The following ZRANB3 variants were observed in gnomAD, a reference collection of about 807,000 sequenced individuals.
ZRANB3 encodes the protein DNA annealing helicase and endonuclease ZRANB3.
A neutral mutation model predicts 133.8 loss-of-function variants in ZRANB3; 125 were observed. That is an observed-to-expected ratio of 0.93 (90% CI 0.81 to 1.08). The LOEUF is 1.08. ZRANB3 is among the 50% of genes least tolerant of loss of function. The pLI, the probability that ZRANB3 is intolerant of heterozygous loss-of-function variation, is 0.00. For missense variants in ZRANB3, 1,229 were observed against 1,275.5 expected, an observed-to-expected ratio of 0.96 and a Z score of 0.56; for synonymous variants, 387 against 432.7, an observed-to-expected ratio of 0.89 and a Z score of 1.31.
At chr2:135,229,528 C>T (rs888412135) in intron 13 of ZRANB3, among the ~76,000 whole-genome samples, 19 of 151,786 alleles carry the variant, frequency 1.3e-4, no homozygotes, top group East Asian at 3.9e-4. Flanking sequence ...CTACCACGCC[C>T]GGCTAATTTT....
At chr2:135,251,768 G>A (rs953599367) in intron 12 of ZRANB3, among the ~76,000 whole-genome samples, 1 of 152,182 alleles carries the variant, frequency 6.6e-6, no homozygotes, top group African/African-American at 2.4e-5. Context: ...TGGGCATGGT[G>A]GCTCACACCT....
In ZRANB3 at chr2:135,512,782, C is replaced by T. The variant is rs79064147; in HGVS notation, c.-7-8286G>A. Reference sequence around the variant, plus strand: ...AAGATTTATTAGAAAAATTTAGCCTCAAAATATATCTTAATAAATATACAA... The same window carrying T: ...AAGATTTATTAGAAAAATTTAGCCTTAAAATATATCTTAATAAATATACAA... On this transcript the variant is annotated intron_variant, in intron 1 of 20. Transcript: ENST00000264159. Among the ~76,000 whole-genome samples, 24 of 151,706 alleles carry T rather than the reference C, an allele frequency of 1.6e-4. No homozygotes were observed. The East Asian group carries it at 4.4e-3, about 28-fold the overall frequency.
intron 2 of ZRANB3, among the ~76,000 whole-genome samples, chr2:135,454,100 T>C (rs1226051533): frequency 6.6e-6 from 1 of 152,118 alleles, no homozygotes; most frequent in Non-Finnish European, 1.5e-5. Flanking sequence ...GATAAACCCA[T>C]CAGATCTCAT....
At chr2:135,250,671 C>A (rs1273527081) in intron 12 of ZRANB3, among the ~76,000 whole-genome samples, 1 of 152,214 alleles carries the variant, frequency 6.6e-6, no homozygotes, top group Non-Finnish European at 1.5e-5. Flanking sequence ...AGGGTGGAAG[C>A]CCCAAGCCTT....
rs1297437366 is a variant in ZRANB3, at chr2:135,246,007, A to ATTTCT, written c.1540-15085_1540-15081dup. Among the ~76,000 whole-genome samples, 42 of 135,044 alleles carry ATTTCT rather than the reference A, an allele frequency of 3.1e-4. 1 individual carries two copies. The highest frequency in any genetic ancestry group is 6.7e-4 in the East Asian group (3 of 4,504). The allele number at this position is 135,044 out of a possible 152,430, so 88.6% of individuals were successfully genotyped here. On this transcript the variant is annotated intron_variant, in intron 12 of 20. Coordinates refer to ENST00000264159, the MANE Select transcript of ZRANB3 (RefSeq NM_032143.4). ...GTGGACTTGTGGTTTGAATAGCTCC[A>ATTTCT]TTTCTTTTCTTTTCTTTTCTTTTCT...
At chr2:135,315,814 T>G (rs1189879344) in intron 6 of ZRANB3, among the ~76,000 whole-genome samples, 2 of 152,244 alleles carry the variant, frequency 1.3e-5, no homozygotes, top group African/African-American at 4.8e-5. Flanking sequence ...TAGGTCACTG[T>G]TTGTAAATGG....
intron 3 of ZRANB3, among the ~76,000 whole-genome samples, chr2:135,365,402 G>A (rs1198418060): frequency 6.6e-6 from 1 of 152,296 alleles, no homozygotes; most frequent in East Asian, 1.9e-4. Context: ...ACCTTGCTTT[G>A]ATTATATATC....
chr2:135,431,308 T>C lies in ZRANB3; in HGVS notation c.162-40488A>G, dbSNP rs929472066. On this transcript the variant is annotated intron_variant, in intron 2 of 20. Transcript: ENST00000264159. ...CCCTGTCTCAATGTGTATATGTAAA[T>C]ATATATGTAAAAAAAAGTAGATGAT... Among the ~76,000 whole-genome samples the C allele has an allele frequency of 5.8e-4, 88 of 150,760 alleles. 2 individuals carry two copies. Among genetic ancestry groups the C allele is most frequent in the Non-Finnish European group, 1.9e-4 (13 of 67,766 alleles).
intron 1 of ZRANB3, among the ~76,000 whole-genome samples, chr2:135,518,889 T>G (rs1235410007): frequency 6.6e-6 from 1 of 152,180 alleles, no homozygotes; most frequent in Non-Finnish European, 1.5e-5. Context: ...TTAATCTTGC[T>G]TCCTACTTCT....
At chr2:135,446,456 T>C (rs907081315) in intron 2 of ZRANB3, among the ~76,000 whole-genome samples, 14 of 152,118 alleles carry the variant, frequency 9.2e-5, no homozygotes, top group East Asian at 3.8e-4. Flanking sequence ...AAAGAAATAG[T>C]TGTCATGGAG....
chr2:135,222,526 T>C (rs1439223152), intron 15 of ZRANB3, among the ~76,000 whole-genome samples: 1 of 152,162 alleles, frequency 6.6e-6, no homozygotes, highest in Non-Finnish European at 1.5e-5. Context: ...TTCATACTAA[T>C]AGTAAGATAC....
intron 2 of ZRANB3, among the ~76,000 whole-genome samples, chr2:135,503,281 T>C (rs927187319): frequency 6.6e-6 from 1 of 152,038 alleles, no homozygotes; most frequent in Non-Finnish European, 1.5e-5. Flanking sequence ...TGAATGAAAA[T>C]AATAAAAGGG....
intron 6 of ZRANB3, among the ~76,000 whole-genome samples, chr2:135,343,455 G>A (rs1684786778): frequency 1.3e-5 from 2 of 149,422 alleles, no homozygotes; most frequent in South Asian, 4.2e-4. Flanking sequence ...CATTTTTTGT[G>A]CTATCTTGTC....
At chr2:135,253,985 T>A (rs2105098277) in intron 12 of ZRANB3, among the ~76,000 whole-genome samples, 1 of 152,354 alleles carries the variant, frequency 6.6e-6, no homozygotes, top group East Asian at 1.9e-4. Context: ...ACTTCCAGAA[T>A]CAGGTCTCAC....
intron 12 of ZRANB3, among the ~76,000 whole-genome samples, chr2:135,234,191 CAAAG>C (rs1695178091): frequency 6.6e-6 from 1 of 152,090 alleles, no homozygotes; most frequent in South Asian, 2.1e-4. Context: ...TCAAAAGAGA[CAAAG>C]AAGGCCATTA....
At chr2:135,411,051 T>C (rs1309769559) in intron 2 of ZRANB3, among the ~76,000 whole-genome samples, 1 of 152,000 alleles carries the variant, frequency 6.6e-6, no homozygotes, top group Non-Finnish European at 1.5e-5. Flanking sequence ...CCAGCCTAGG[T>C]AACATGGTGA....
intron 8 of ZRANB3, among the ~76,000 whole-genome samples, chr2:135,310,968 A>AC (rs1682940477): frequency 6.6e-6 from 1 of 151,938 alleles, no homozygotes; most frequent in Admixed American, 6.6e-5. Context: ...ATACAAAAAA[A>AC]AAAAGGAAGA....
At chr2:135,329,327 C>T (rs57334141) in intron 6 of ZRANB3, among the ~76,000 whole-genome samples, 15,859 of 152,134 alleles carry the variant, frequency 0.1, 1,090 homozygotes, top group South Asian at 0.32. Flanking sequence ...ATCCTTTCCC[C>T]ATATTTGTTT....
At chr2:135,362,541 A>G (rs866327789) in intron 3 of ZRANB3, among the ~76,000 whole-genome samples, 1 of 152,252 alleles carries the variant, frequency 6.6e-6, no homozygotes. Flanking sequence ...GAACTTAAGT[A>G]GAGTTGTAGT....
Sources: gnomAD v4.1 joint callset for allele counts (sites outside exome capture counted in the v4.1 genomes callset) on GRCh38, gnomAD v4.1.1 for gene constraint, MANE v1.5 for transcripts, NCBI Gene and HGNC (gene_info 2026-07-23, HGNC 2026-07-21) for gene names.